KCNQ5: variants seen among roughly 807,000 people sequenced by gnomAD.
KCNQ5 encodes potassium voltage-gated channel subfamily Q member 5.
A neutral mutation model predicts 98.2 loss-of-function variants in KCNQ5; 30 were observed. The observed-to-expected ratio is 0.31, with a 90% CI of 0.23 to 0.41. KCNQ5 has a LOEUF of 0.41. Ranked by LOEUF, KCNQ5 falls within the 10% of genes least tolerant of loss-of-function variation. The pLI, the probability that KCNQ5 is intolerant of heterozygous loss-of-function variation, is 1.00. For synonymous variants in KCNQ5, 458 were observed against 449.4 expected, an observed-to-expected ratio of 1.02 and a Z score of -0.24; for missense variants, 835 against 1,182.5, an observed-to-expected ratio of 0.71 and a Z score of 4.31.
chr6:72,860,923 C>T (rs1777740197), intron 1 of KCNQ5, among the ~76,000 whole-genome samples: 1 of 151,904 alleles, frequency 6.6e-6, no homozygotes, highest in Non-Finnish European at 1.5e-5. Flanking sequence ...TCAGACTCTA[C>T]TCTGAGTAGT....
chr6:72,722,165 C>T (rs1769990404), intron 1 of KCNQ5, among the ~76,000 whole-genome samples: 1 of 152,094 alleles, frequency 6.6e-6, no homozygotes, highest in African/African-American at 2.4e-5. Context: ...AGGAACCAGC[C>T]CTGCTGGTAC....
intron 3 of KCNQ5, among the ~76,000 whole-genome samples, chr6:73,056,674 T>G (rs532751745): frequency 6.6e-4 from 100 of 152,308 alleles, no homozygotes; most frequent in African/African-American, 2.3e-3. Context: ...TGCAGTTGCT[T>G]GGCCCTGCCA....
chr6:73,004,138 A>C, intron 2 of KCNQ5, 140 bp downstream of exon 2: 1 of 563,622 alleles, frequency 1.8e-6, no homozygotes, highest in South Asian at 2.7e-5. Flanking sequence ...AAGATTACTG[A>C]AACATTTGCC....
chr6:72,957,858 A>G (rs1177382557), intron 1 of KCNQ5, among the ~76,000 whole-genome samples: 1 of 152,134 alleles, frequency 6.6e-6, no homozygotes, highest in Non-Finnish European at 1.5e-5. Context: ...AAAAGATTTC[A>G]TTCTTGTTCT....
intron 1 of KCNQ5, among the ~76,000 whole-genome samples, chr6:72,663,181 A>G (rs1766615996): frequency 1.3e-5 from 2 of 152,076 alleles, no homozygotes; most frequent in Non-Finnish European, 2.9e-5. Context: ...AGAAATACCT[A>G]ATGTAGGTGA....
intron 1 of KCNQ5, among the ~76,000 whole-genome samples, chr6:72,857,481 C>T (rs1473662994): frequency 6.6e-6 from 1 of 152,126 alleles, no homozygotes; most frequent in Non-Finnish European, 1.5e-5. Flanking sequence ...GTATATTTTA[C>T]AGGAAGGGCA....
chr6:72,747,523 G>A (rs761707179), intron 1 of KCNQ5, among the ~76,000 whole-genome samples: 2 of 152,090 alleles, frequency 1.3e-5, no homozygotes, highest in Admixed American at 6.6e-5. Context: ...TAAAAGGCAG[G>A]TTCAAATGTC....
chr6:72,678,083 T>A (rs992583730), intron 1 of KCNQ5, among the ~76,000 whole-genome samples: 13 of 152,192 alleles, frequency 8.5e-5, no homozygotes, highest in Admixed American at 7.2e-4. Context: ...AATTACAACT[T>A]GAATATTTTG....
At chr6:72,744,697 G>A (rs544284624) in intron 1 of KCNQ5, among the ~76,000 whole-genome samples, 5 of 152,112 alleles carry the variant, frequency 3.3e-5, no homozygotes, top group African/African-American at 7.2e-5. Flanking sequence ...TGTAGTCCCA[G>A]CTGCTTGGGA....
chr6:72,722,109 A>G (rs1232291347), intron 1 of KCNQ5, among the ~76,000 whole-genome samples: 2 of 152,176 alleles, frequency 1.3e-5, no homozygotes, highest in Non-Finnish European at 2.9e-5. Flanking sequence ...GAGCTAAGGA[A>G]GTTGAAAAAG....
intron 1 of KCNQ5, among the ~76,000 whole-genome samples, chr6:72,664,421 A>AG (rs1374759850): frequency 6.6e-6 from 1 of 152,072 alleles, no homozygotes; most frequent in African/African-American, 2.4e-5. Flanking sequence ...TGGGAGGCTG[A>AG]GGCAGGCAGG....
At chr6:72,821,049 A>G (rs1301713586) in intron 1 of KCNQ5, among the ~76,000 whole-genome samples, 1 of 152,224 alleles carries the variant, frequency 6.6e-6, no homozygotes, top group East Asian at 1.9e-4. Context: ...GGTCTCACCA[A>G]CGACTATGTA....
intron 1 of KCNQ5, among the ~76,000 whole-genome samples, chr6:72,817,566 A>T (rs1026250297): frequency 6.6e-6 from 1 of 152,172 alleles, no homozygotes; most frequent in Non-Finnish European, 1.5e-5. Context: ...TGGGCAAGAC[A>T]TGGAAGGTTT....
At chr6:73,147,097 G>A (rs994161394) in intron 10 of KCNQ5, among the ~76,000 whole-genome samples, 1 of 152,008 alleles carries the variant, frequency 6.6e-6, no homozygotes, top group African/African-American at 2.4e-5. Context: ...TCCCCCACTA[G>A]GTTGGGTGAG....
intron 2 of KCNQ5, among the ~76,000 whole-genome samples, chr6:73,019,460 T>C (rs1269968088): frequency 6.6e-6 from 1 of 152,190 alleles, no homozygotes; most frequent in Non-Finnish European, 1.5e-5. Flanking sequence ...TTCTGATTGA[T>C]AATGCAGTCC....
intron 1 of KCNQ5, among the ~76,000 whole-genome samples, chr6:72,671,198 A>AT (rs1388988968): frequency 1.3e-5 from 2 of 152,044 alleles, no homozygotes; most frequent in Non-Finnish European, 2.9e-5. Flanking sequence ...GATTTGAGGG[A>AT]TTTTGAGGGG....
At chr6:72,824,937 T>G (rs73543817) in intron 1 of KCNQ5, among the ~76,000 whole-genome samples, 11,390 of 152,094 alleles carry the variant, frequency 0.075, 1,001 homozygotes, top group African/African-American at 0.21. Flanking sequence ...TCAAAGCACC[T>G]TTATAGCCCT....
At chr6:72,895,213 C>T (rs1181715163) in intron 1 of KCNQ5, among the ~76,000 whole-genome samples, 3 of 149,846 alleles carry the variant, frequency 2.0e-5, no homozygotes, top group African/African-American at 4.9e-5. Flanking sequence ...GGCGTGAACC[C>T]AGGAGGCGGA....
chr6:72,803,541 G>A lies in KCNQ5; in HGVS notation c.398+180954G>A, dbSNP rs78688195. On this transcript the variant is annotated intron_variant, in intron 1 of 13. Transcript: ENST00000370398. ...CACCAGAATATTCCCTACAGGCACTGGATCTGTCCTATAAATTAGTCTTTA... is the reference window on the plus strand; with the variant it reads ...CACCAGAATATTCCCTACAGGCACTAGATCTGTCCTATAAATTAGTCTTTA... 3.7e-4 allele frequency among the ~76,000 whole-genome samples: 57 copies of A among 152,196 alleles called. 2 individuals are homozygous for A. The East Asian group carries it at 0.011, about 29-fold the overall frequency.
Sources: gnomAD v4.1 joint callset for allele counts (sites outside exome capture counted in the v4.1 genomes callset) on GRCh38, gnomAD v4.1.1 for gene constraint, MANE v1.5 for transcripts, NCBI Gene and HGNC (gene_info 2026-07-23, HGNC 2026-07-21) for gene names.